RGS7: variants seen among roughly 807,000 people sequenced by gnomAD.
RGS7 encodes the protein regulator of G protein signaling 7, also known as regulator of G-protein signaling 7.
RGS7 carries 27 observed loss-of-function variants against 81.1 expected under a neutral mutation model. The observed-to-expected ratio is 0.33, with a 90% CI of 0.25 to 0.46. RGS7 has a LOEUF of 0.46. Ranked by LOEUF, RGS7 falls within the 20% of genes least tolerant of loss-of-function variation. RGS7 has a pLI of 1.00. For synonymous variants in RGS7, 208 were observed against 207.7 expected (o/e 1.00, Z -0.01); for missense variants, 396 against 607.4 (o/e 0.65, Z 3.66).
chr1:240,795,301 A>C (rs1311564787), intron 18 of RGS7, among the ~76,000 whole-genome samples: 1 of 152,230 alleles, frequency 6.6e-6, no homozygotes, highest in Admixed American at 6.5e-5. Flanking sequence ...TCTTAAAAAA[A>C]ACAATATGTT....
chr1:240,775,757 T>C lies in RGS7; in HGVS notation c.*463A>G, dbSNP rs1682841826. On this transcript the variant is annotated 3_prime_UTR_variant, in exon 19 of 19. Transcript: ENST00000440928. Reference sequence around the variant, plus strand: ...TGTGCGGAATTTATTGTTTAATAAATGTGAAGCCACATGTATACTTATTGA... The same window carrying C: ...TGTGCGGAATTTATTGTTTAATAAACGTGAAGCCACATGTATACTTATTGA... 7 of 177,418 alleles carry C rather than the reference T, an allele frequency of 3.9e-5. No homozygotes were observed. The highest frequency in any genetic ancestry group is 8.6e-5 in the Non-Finnish European group (7 of 81,266). 11.0% of individuals were successfully genotyped at this position (177,418 alleles called of 1,614,324 possible).
chr1:241,078,134 A>G (rs2062913576), intron 3 of RGS7, among the ~76,000 whole-genome samples: 1 of 149,156 alleles, frequency 6.7e-6, no homozygotes. Flanking sequence ...ATTGTTGTGT[A>G]TGCATCTATG....
intron 2 of RGS7, among the ~76,000 whole-genome samples, chr1:241,115,050 G>C (rs995396458): frequency 6.6e-6 from 1 of 152,126 alleles, no homozygotes; most frequent in African/African-American, 2.4e-5. Context: ...TTACAGAAAA[G>C]AAAACAAACT....
At chr1:240,958,409 G>A (rs1680798433) in intron 4 of RGS7, among the ~76,000 whole-genome samples, 1 of 152,146 alleles carries the variant, frequency 6.6e-6, no homozygotes, top group South Asian at 2.1e-4. Context: ...GGCTCTTTGC[G>A]GAAGTAACTG....
chr1:240,879,120 C>A (rs377455467), intron 6 of RGS7, among the ~76,000 whole-genome samples: 1 of 152,084 alleles, frequency 6.6e-6, no homozygotes, highest in African/African-American at 2.4e-5. Context: ...TTTGCCAATC[C>A]GGCTTGAGAG....
At chr1:241,050,606 T>G (rs1039701277) in intron 3 of RGS7, among the ~76,000 whole-genome samples, 13 of 152,152 alleles carry the variant, frequency 8.5e-5, no homozygotes, top group African/African-American at 2.7e-4. Context: ...GGGTTTGAAC[T>G]GCACAGGTCT....
chr1:241,159,505 T>TCCAC (rs1415022403), intron 2 of RGS7, among the ~76,000 whole-genome samples: 3 of 150,936 alleles, frequency 2.0e-5, no homozygotes, highest in African/African-American at 7.4e-5. Context: ...CATCCATCCA[T>TCCAC]CCACCCACCC....
rs114122996 is a variant in RGS7 at position 241,332,019 on chromosome 1, T to C, written c.78+23680A>G. On this transcript the variant is annotated intron_variant, in intron 2 of 18. Transcript: ENST00000440928. ...ACTTTGGCTACTTCCATTGCTGAAT[T>C]TCCTTTCCAGCCACTGCCCCCTCGA... Among the ~76,000 whole-genome samples, 1,034 of 152,322 alleles carry C rather than the reference T, an allele frequency of 6.8e-3. 9 individuals are homozygous for C. Among genetic ancestry groups the C allele is most frequent in the Middle Eastern group, 0.01 (3 of 294 alleles).
chr1:240,826,750 G>A (rs1692904013), intron 10 of RGS7, among the ~76,000 whole-genome samples: 1 of 151,140 alleles, frequency 6.6e-6, no homozygotes, highest in African/African-American at 2.5e-5. Flanking sequence ...CAAAATTCTA[G>A]TGTTAAGAGG....
At chr1:241,079,829 C>T (rs552259976) in intron 3 of RGS7, among the ~76,000 whole-genome samples, 11 of 138,212 alleles carry the variant, frequency 8.0e-5, no homozygotes, top group South Asian at 4.7e-4. Flanking sequence ...ACCCCATAGG[C>T]TTTTATTTAT....
At chr1:241,334,051 A>C (rs945274378) in intron 2 of RGS7, among the ~76,000 whole-genome samples, 5 of 145,098 alleles carry the variant, frequency 3.4e-5, no homozygotes, top group African/African-American at 1.2e-4. Flanking sequence ...TAGTATATAC[A>C]TACATATATG....
chr1:241,120,411 T>A (rs10127501), intron 2 of RGS7, among the ~76,000 whole-genome samples: 1 of 152,308 alleles, frequency 6.6e-6, no homozygotes, highest in African/African-American at 2.4e-5. Context: ...GCAGTGGCAC[T>A]ATCACAGTTC....
intron 2 of RGS7, among the ~76,000 whole-genome samples, chr1:241,100,216 A>C (rs2064620613): frequency 6.7e-6 from 1 of 150,274 alleles, no homozygotes; most frequent in South Asian, 2.1e-4. Flanking sequence ...TCTACTAAAA[A>C]TACAAAAAAT....
intron 6 of RGS7, chr1:240,919,766 G>A (rs1673195728): frequency 1.5e-6 from 1 of 677,164 alleles, no homozygotes; most frequent in East Asian, 2.6e-5. Flanking sequence ...AATGGGGAAT[G>A]CTCATGGACT....
intron 2 of RGS7, among the ~76,000 whole-genome samples, chr1:241,103,689 T>C (rs937776439): frequency 9.2e-5 from 14 of 151,818 alleles, no homozygotes; most frequent in African/African-American, 2.2e-4. Context: ...TTGGGCAACA[T>C]GGCAAAACTC....
chr1:241,109,904 G>C (rs2065393034), intron 2 of RGS7, among the ~76,000 whole-genome samples: 3 of 152,022 alleles, frequency 2.0e-5, no homozygotes, highest in Admixed American at 2.0e-4. Flanking sequence ...GTTGCAGTGA[G>C]CCGAGATTAT....
At chr1:240,816,905 AT>A (rs1189181656) in intron 10 of RGS7, among the ~76,000 whole-genome samples, 1 of 152,222 alleles carries the variant, frequency 6.6e-6, no homozygotes, top group Non-Finnish European at 1.5e-5. Context: ...TGATGGTGCA[AT>A]AGAAGACACC....
chr1:241,220,415 A>G (rs2074823303), intron 2 of RGS7, among the ~76,000 whole-genome samples: 1 of 152,208 alleles, frequency 6.6e-6, no homozygotes, highest in Non-Finnish European at 1.5e-5. Flanking sequence ...CAGGCACAGA[A>G]TGTTCTTAAA....
At chr1:240,854,241 C>A (rs1660670438) in intron 9 of RGS7, among the ~76,000 whole-genome samples, 1 of 152,150 alleles carries the variant, frequency 6.6e-6, no homozygotes, top group South Asian at 2.1e-4. Flanking sequence ...AGACGGTCTA[C>A]CAAGGAGCAA....
Sources: gnomAD v4.1 joint callset for allele counts (sites outside exome capture counted in the v4.1 genomes callset) on GRCh38, gnomAD v4.1.1 for gene constraint, MANE v1.5 for transcripts, NCBI Gene and HGNC (gene_info 2026-07-23, HGNC 2026-07-21) for gene names.